CACNA1I: variants seen among roughly 807,000 people sequenced by gnomAD.
CACNA1I encodes the protein voltage-dependent T-type calcium channel subunit alpha-1I.
A neutral mutation model predicts 201.6 loss-of-function variants in CACNA1I; 74 were observed. The ratio of observed to expected loss-of-function variants is 0.37; its 90% CI spans 0.30 to 0.45. The LOEUF (loss-of-function observed/expected upper bound fraction) is 0.45. Among genes scored for constraint, CACNA1I ranks in the 20% least tolerant of loss-of-function variants. CACNA1I has a pLI of 1.00. For missense variants in CACNA1I, 2,346 were observed against 3,138.1 expected (o/e 0.75, Z 6.03); for synonymous variants, 1,431 against 1,345.2 (o/e 1.06, Z -1.40).
intron 1 of CACNA1I, among the ~76,000 whole-genome samples, chr22:39,594,517 G>A (rs1428591629): frequency 2.0e-5 from 3 of 152,194 alleles, no homozygotes; most frequent in Non-Finnish European, 4.4e-5. Flanking sequence ...AGGCTATGGC[G>A]GGAGAGTGGC....
chr22:39,679,559 C>A, intron 32 of CACNA1I, 114 bp downstream of exon 32: 2 of 1,055,782 alleles, frequency 1.9e-6, no homozygotes, highest in Non-Finnish European at 2.7e-6. Context: ...CTGGGCCCCA[C>A]CCTGCTCAGC....
chr22:39,624,093 GAA>G (rs1933832133), intron 4 of CACNA1I, among the ~76,000 whole-genome samples: 1 of 149,698 alleles, frequency 6.7e-6, no homozygotes, highest in South Asian at 2.1e-4. Context: ...GCGCGTGTGT[GAA>G]GAGTGTGTAT....
chr22:39,664,435 G>A (rs2146454382), intron 20 of CACNA1I, among the ~76,000 whole-genome samples: 1 of 152,260 alleles, frequency 6.6e-6, no homozygotes, highest in East Asian at 1.9e-4. Flanking sequence ...GTGGGGCGCA[G>A]GGGAAGCATC....
Position 39,689,406 on chromosome 22 carries a change from A to C in CACNA1I, c.*3001A>C, listed in dbSNP as rs901218654. The stretch of plus-strand genomic sequence containing the variant: ...CCAGCCCCGTTTGCTGCGTTGTGTA[A>C]GGGCTTGGGGTCTTAGAAGCTGCTC... On this transcript the variant is annotated 3_prime_UTR_variant, in exon 37 of 37. Coordinates refer to ENST00000402142, the MANE Select transcript of CACNA1I (RefSeq NM_021096.4). 2 of 152,730 alleles carry C rather than the reference A, an allele frequency of 1.3e-5. No homozygotes were observed. The highest frequency in any genetic ancestry group is 4.8e-5 in the African/African-American group (2 of 41,460). The allele number at this position is 152,730 out of a possible 1,614,324, so 9.5% of individuals were successfully genotyped here.
chr22:39,626,392 C>T (rs1163495964), intron 4 of CACNA1I, among the ~76,000 whole-genome samples: 10 of 152,118 alleles, frequency 6.6e-5, no homozygotes, highest in South Asian at 2.1e-4. Flanking sequence ...GTGTCAGGGA[C>T]GTCTTCTCAG....
rs552523466 is a variant in CACNA1I, at chr22:39,578,935, G to A, written c.236+7947G>A. On this transcript the variant is annotated intron_variant, in intron 1 of 36. Coordinates refer to ENST00000402142, the MANE Select transcript of CACNA1I (RefSeq NM_021096.4). ...ACCTGTGATGCCCTTCCCCATCGCC[G>A]TGGTTCTCAACCCCACCAGCCCCAC... 2.4e-4 allele frequency among the ~76,000 whole-genome samples: 37 copies of A among 152,166 alleles called. No homozygotes were observed. In the South Asian group the frequency reaches 6.2e-3, roughly 26 times the overall value.
At chr22:39,575,663 G>A (rs145337522) in intron 1 of CACNA1I, among the ~76,000 whole-genome samples, 2 of 152,250 alleles carry the variant, frequency 1.3e-5, no homozygotes, top group African/African-American at 4.8e-5. Flanking sequence ...TGCTAATCGA[G>A]CCTGCCGGCA....
intron 4 of CACNA1I, among the ~76,000 whole-genome samples, chr22:39,631,224 C>T (rs1934052941): frequency 6.6e-6 from 1 of 152,172 alleles, no homozygotes; most frequent in African/African-American, 2.4e-5. Flanking sequence ...CAAGGCCACC[C>T]TACTGGGACT....
At position 39,634,275 on chromosome 22, in the gene CACNA1I, C is replaced by T. The variant is rs181864261; in HGVS notation, c.581-290C>T. ...ACTGAAGATCACATTTGTGCAAGTA[C>T]GCAGAAGAACACTTGGTACATAAAA... On this transcript the variant is annotated intron_variant, in intron 4 of 36. Coordinates refer to ENST00000402142, the MANE Select transcript of CACNA1I (RefSeq NM_021096.4). Among the ~76,000 whole-genome samples, 191 of 152,258 alleles carry T rather than the reference C, an allele frequency of 1.3e-3. 2 individuals are homozygous for T. Among genetic ancestry groups the T allele is most frequent in the Admixed American group, 9.9e-3 (152 of 15,288 alleles).
chr22:39,632,857 G>A (rs1047418251), intron 4 of CACNA1I, among the ~76,000 whole-genome samples: 2 of 150,760 alleles, frequency 1.3e-5, no homozygotes, highest in Non-Finnish European at 2.9e-5. Context: ...CCTGCTTGGG[G>A]GTGTAGGGTG....
Position 39,687,930 on chromosome 22 carries a change from A to G in CACNA1I, c.*1525A>G, listed in dbSNP as rs1305036189. Reference sequence around the variant, plus strand: ...GAGGCTGCAGGGGCCACGAGTTTGCAGATGCTGTACTTCAGCAATAACCTT... The same window carrying G: ...GAGGCTGCAGGGGCCACGAGTTTGCGGATGCTGTACTTCAGCAATAACCTT... On this transcript the variant is annotated 3_prime_UTR_variant, in exon 37 of 37. Transcript: ENST00000402142. The G allele has an allele frequency of 6.6e-6, 1 of 152,214 alleles. No homozygotes were observed. The highest frequency in any genetic ancestry group is 6.5e-5 in the Admixed American group (1 of 15,278). 9.4% of individuals were successfully genotyped at this position (152,214 alleles called of 1,614,324 possible).
chr22:39,611,756 G>A (rs1192440668), intron 3 of CACNA1I, among the ~76,000 whole-genome samples: 1 of 152,168 alleles, frequency 6.6e-6, no homozygotes, highest in African/African-American at 2.4e-5. Context: ...ATGGAGGCTT[G>A]GAGAGAGAAG....
chr22:39,664,754 C>G lies in CACNA1I; in HGVS notation c.3682C>G (p.Leu1228Val). The G allele has an allele frequency of 6.3e-7, 1 of 1,591,040 alleles. No individual in the cohort carries two copies. ...CCCGCCCCAGGTAGTCTCGCTGGGC[C>G]TGTACTTCGGCGAGCAGGCGTACCT... is the stretch of plus-strand genomic sequence containing the variant. ...EMTLKVVSLGLYFGEQAYLRS... is the reference protein window; with the variant it reads ...EMTLKVVSLGVYFGEQAYLRS... The change falls in exon 21 of 37, where the codon CTG becomes GTG. Residue 1228 changes from leucine to valine, a missense_variant. This residue lies in a region of CACNA1I where 158 missense variants were observed against 231.6 expected (regional missense o/e 0.68). Coordinates refer to ENST00000402142, the MANE Select transcript of CACNA1I (RefSeq NM_021096.4).
chr22:39,641,236 T>C (rs956950893), intron 6 of CACNA1I, 54 bp downstream of exon 6: 46 of 1,467,328 alleles, frequency 3.1e-5, no homozygotes, highest in Non-Finnish European at 4.1e-5. Flanking sequence ...CAGCTCTGCC[T>C]GGTGGGCAGG....
chr22:39,656,638 G>A, intron 10 of CACNA1I: 1 of 518,388 alleles, frequency 1.9e-6, no homozygotes. Context: ...TGGTAGCCAT[G>A]CAGGAATGAA....
At chr22:39,622,084 G>A (rs1198289382) in intron 4 of CACNA1I, among the ~76,000 whole-genome samples, 1 of 152,206 alleles carries the variant, frequency 6.6e-6, no homozygotes, top group Non-Finnish European at 1.5e-5. Context: ...CCAACAGTGT[G>A]TGATTTTCTC....
At chr22:39,617,334 G>GC (rs1933569680) in intron 3 of CACNA1I, among the ~76,000 whole-genome samples, 2 of 152,210 alleles carry the variant, frequency 1.3e-5, no homozygotes, top group Admixed American at 1.3e-4. Context: ...TGGGCTGGGA[G>GC]CCCCCATCTC....
In CACNA1I at chr22:39,664,744, C is replaced by T. The variant is rs533184400; in HGVS notation, c.3672C>T (p.Val1224=). 3.6e-6 allele frequency: 5 copies of T among 1,386,398 alleles called. No homozygotes were observed. The South Asian group carries it at 5.8e-5, about 16-fold the overall frequency. 85.9% of individuals were successfully genotyped at this position (1,386,398 alleles called of 1,614,324 possible). A position where few individuals can be genotyped will look rare whatever the true frequency, so the allele number is the denominator to read the frequency against. Residue 1224 remains valine, a synonymous_variant, in exon 21 of 37, where the codon GTC becomes GTT. Transcript: ENST00000402142. ...CGGCCCCACCCCCGCCCCAGGTAGT[C>T]TCGCTGGGCCTGTACTTCGGCGAGC... ...IFVGEMTLKV[V]SLGLYFGEQA... is the part of the protein sequence containing the mutation.
chr22:39,680,890 C>G (rs780764078), intron 33 of CACNA1I, 40 bp from the exon 34 acceptor site: 1 of 1,589,918 alleles, frequency 6.3e-7, no homozygotes, highest in Admixed American at 1.7e-5. Flanking sequence ...TCTGCCCATC[C>G]CAAACCTGGG....
Sources: gnomAD v4.1 joint callset for allele counts (sites outside exome capture counted in the v4.1 genomes callset) on GRCh38, gnomAD v4.1.1 for gene constraint, gnomAD v4.1.1 regional missense constraint, MANE v1.5 for transcripts, NCBI Gene and HGNC (gene_info 2026-07-23, HGNC 2026-07-21) for gene names.